MYO16: variants seen among roughly 807,000 people sequenced by gnomAD.
MYO16 encodes the protein myosin XVI.
A neutral mutation model predicts 205.3 loss-of-function variants in MYO16; 94 were observed. That is an observed-to-expected ratio of 0.46 (90% CI 0.39 to 0.54). MYO16 has a LOEUF of 0.54. Among genes scored for constraint, MYO16 ranks in the 20% least tolerant of loss-of-function variants. The pLI is 0.00. For missense variants in MYO16, 2,315 were observed against 2,387.5 expected, an observed-to-expected ratio of 0.97 and a Z score of 0.63; for synonymous variants, 988 against 954.0, an observed-to-expected ratio of 1.04 and a Z score of -0.66.
chr13:108,530,493 G>A, the MYO16 span, among the ~76,000 whole-genome samples: 2 of 152,046 alleles, frequency 1.3e-5, no homozygotes, highest in Admixed American at 6.5e-5. Context: ...TTTAATAATG[G>A]CACTGCAATT....
At chr13:108,906,009 C>T (rs113446310) in intron 15 of MYO16, among the ~76,000 whole-genome samples, 1 of 152,318 alleles carries the variant, frequency 6.6e-6, no homozygotes, top group Non-Finnish European at 1.5e-5. Context: ...TTTGTGCCCG[C>T]TGGCCTTGGG....
chr13:109,066,765 G>C (rs924179285), intron 27 of MYO16, among the ~76,000 whole-genome samples: 1 of 152,136 alleles, frequency 6.6e-6, no homozygotes, highest in African/African-American at 2.4e-5. Flanking sequence ...TGGGTCAAGT[G>C]GTGTTCCAGT....
chr13:108,516,138 C>T, the MYO16 span, among the ~76,000 whole-genome samples: 7,579 of 151,712 alleles, frequency 0.05, 268 homozygotes, highest in Middle Eastern at 0.13. Context: ...ATTCCGTGGG[C>T]GTAGGACCCT....
chr13:109,197,301 G>A (rs1398101925), intron 34 of MYO16, among the ~76,000 whole-genome samples: 2 of 152,284 alleles, frequency 1.3e-5, no homozygotes, highest in South Asian at 2.1e-4. Context: ...TACAACTCAC[G>A]TGTAAGAATG....
At chr13:109,033,669 C>T (rs1284286163) in intron 23 of MYO16, among the ~76,000 whole-genome samples, 1 of 152,136 alleles carries the variant, frequency 6.6e-6, no homozygotes, top group Non-Finnish European at 1.5e-5. Context: ...GTTAAGCAGA[C>T]AGACAAGGGA....
chr13:108,923,815 C>T (rs538820350), intron 16 of MYO16, among the ~76,000 whole-genome samples: 1 of 152,178 alleles, frequency 6.6e-6, no homozygotes, highest in African/African-American at 2.4e-5. Context: ...TCATAGTAAA[C>T]CTCATCAACA....
Position 109,140,493 on chromosome 13 carries a change from G to A in MYO16, c.4281G>A (p.Glu1427=). Residue 1427 remains glutamate (E), a synonymous_variant, in exon 32 of 35, where the codon GAG becomes GAA. Transcript: ENST00000457511. The surrounding 1 kb of genome is among the most constrained non-coding windows in gnomAD (Gnocchi z 8.0). ...ALPPAAPPGD[E]DDSEPVYIEM... ...CCCCGGCGGCGCCTCCGGGTGACGA[G>A]GACGACAGCGAGCCTGTGTACATCG... 1 of 1,546,208 alleles carries A rather than the reference G, an allele frequency of 6.5e-7. No homozygotes were observed. The highest frequency in any genetic ancestry group is 2.5e-5 in the East Asian group (1 of 40,564).
rs749831844 is a variant in MYO16, at chr13:109,140,247, G to A, written c.4052-17G>A. On this transcript the variant is annotated splice_polypyrimidine_tract_variant and intron_variant, in intron 31 of 34. Transcript: ENST00000457511. This position sits in a 1 kb window ranked among gnomAD's most constrained non-coding sequence, Gnocchi z 8.0. The stretch of plus-strand genomic sequence containing the variant: ...GCCTGGCCTGGCACCCACTGACCGC[G>A]TCCTTTCCTGCCGCAGCTCTGGCCC... The A allele has an allele frequency of 1.1e-5, 18 of 1,597,240 alleles. No homozygotes were observed. The Admixed American group carries it at 3.0e-4, about 27-fold the overall frequency.
chr13:109,058,017 A>G (rs980471929), intron 27 of MYO16, among the ~76,000 whole-genome samples: 2 of 152,128 alleles, frequency 1.3e-5, no homozygotes, highest in South Asian at 2.1e-4. Flanking sequence ...GTGCACATCA[A>G]AATCACCTGG....
chr13:108,849,868 A>G (rs1877751896), intron 10 of MYO16, among the ~76,000 whole-genome samples: 1 of 141,844 alleles, frequency 7.1e-6, no homozygotes, highest in Non-Finnish European at 1.5e-5. Context: ...CCTTCCTCCA[A>G]ATCCTGTTGA....
intron 8 of MYO16, among the ~76,000 whole-genome samples, chr13:108,820,676 T>A (rs1875920428): frequency 6.6e-6 from 1 of 152,194 alleles, no homozygotes; most frequent in African/African-American, 2.4e-5. Flanking sequence ...CCTTTCATGT[T>A]TTAAACTTTC....
In MYO16 at chr13:109,140,485, G is replaced by T. The variant is rs1472031727; in HGVS notation, c.4273G>T (p.Gly1425Cys). 2 of 1,543,368 alleles carry T rather than the reference G, an allele frequency of 1.3e-6. No homozygotes were observed. The highest frequency in any genetic ancestry group is 1.7e-6 in the Non-Finnish European group (2 of 1,153,702). ...CGCGCTGCCCCCGGCGGCGCCTCCG[G>T]GTGACGAGGACGACAGCGAGCCTGT... is the stretch of plus-strand genomic sequence containing the variant. ...QCALPPAAPP[G>C]DEDDSEPVYI... The change falls in exon 32 of 35, where the codon GGT (glycine) becomes TGT (cysteine). Residue 1425 changes from glycine to cysteine, a missense_variant. Gly to Cys is a radical substitution (Grantham distance 159, BLOSUM62 -3). Around this residue, in one of 3 missense-constraint regions of MYO16, gnomAD observed 1,097 missense variants for 1,092.0 expected, o/e 1.00. Transcript: ENST00000457511. The surrounding 1 kb of genome is among the most constrained non-coding windows in gnomAD (Gnocchi z 8.0).
chr13:108,702,313 G>C lies in MYO16; in HGVS notation c.293-10348G>C, dbSNP rs558804428. Among the ~76,000 whole-genome samples, 17 of 152,274 alleles carry C rather than the reference G, an allele frequency of 1.1e-4. 1 individual carries two copies. The South Asian group carries it at 1.5e-3, about 13-fold the overall frequency. On this transcript the variant is annotated intron_variant, in intron 2 of 34. Transcript: ENST00000457511. The stretch of plus-strand genomic sequence containing the variant: ...TTGAAAGCATAAATACAGAAGTTAT[G>C]CTTCATGTACAAGGGTTCCTCCAGA...
chr13:108,593,115 T>C (rs1878448331), upstream of MYO16, among the ~76,000 whole-genome samples: 1 of 152,120 alleles, frequency 6.6e-6, no homozygotes, highest in Non-Finnish European at 1.5e-5. Flanking sequence ...AGGGGCCTCT[T>C]TTCTCTCTTG....
intron 27 of MYO16, 109 bp from the exon 28 acceptor site, chr13:109,100,676 A>AAAGACG: frequency 1.3e-6 from 1 of 782,864 alleles, no homozygotes; most frequent in Non-Finnish European, 2.1e-6. Context: ...TGGGATAAAG[A>AAAGACG]AAGACGGGGA....
intron 15 of MYO16, among the ~76,000 whole-genome samples, chr13:108,905,758 C>T (rs1880941146): frequency 3.4e-5 from 4 of 117,810 alleles, no homozygotes; most frequent in Non-Finnish European, 1.9e-5. Context: ...TTACACTTTC[C>T]TCAGGAGCTT....
chr13:108,956,166 A>C (rs1883340105), intron 16 of MYO16, among the ~76,000 whole-genome samples: 7 of 152,074 alleles, frequency 4.6e-5, no homozygotes, highest in Admixed American at 4.6e-4. Flanking sequence ...CTCTCCAGAA[A>C]CCTATTCCTC....
rs182852735 is a variant in MYO16, at chr13:108,744,065, G to T, written c.507+16482G>T. Among the ~76,000 whole-genome samples, 20 of 152,334 alleles carry T rather than the reference G, an allele frequency of 1.3e-4. 1 individual carries two copies. In the East Asian group the frequency reaches 3.3e-3, roughly 25 times the overall value. ...GGTAAGTCTAATTTTCCTGTGAACT[G>T]TGGTAGAAAATCCCGGCCAAGCACC... On this transcript the variant is annotated intron_variant, in intron 4 of 34. Transcript: ENST00000457511.
chr13:108,735,607 G>A (rs1396819828), intron 4 of MYO16, among the ~76,000 whole-genome samples: 2 of 150,906 alleles, frequency 1.3e-5, no homozygotes, highest in African/African-American at 4.9e-5. Context: ...AAACATACGT[G>A]TGCATGTGTC....
Sources: allele counts gnomAD v4.1 joint callset (sites outside exome capture counted in the v4.1 genomes callset), GRCh38; gene constraint gnomAD v4.1.1; regional missense constraint gnomAD v4.1.1; non-coding constraint Gnocchi (gnomAD v3.1); transcripts MANE v1.5; gene names NCBI Gene and HGNC (gene_info 2026-07-23, HGNC 2026-07-21).